Variants in TLE4 observed in about 807,000 individuals in gnomAD.
TLE4 encodes the protein TLE family member 4, transcriptional corepressor.
A neutral mutation model predicts 92.8 loss-of-function variants in TLE4; 8 were observed. That is an observed-to-expected ratio of 0.09 (90% confidence interval 0.05 to 0.16). The LOEUF is 0.16. Among genes scored for constraint, TLE4 ranks in the 10% least tolerant of loss-of-function variants. The pLI is 1.00. For synonymous variants in TLE4, 371 were observed against 374.1 expected, an observed-to-expected ratio of 0.99 and a Z score of 0.10; for missense variants, 675 against 997.6, an observed-to-expected ratio of 0.68 and a Z score of 4.36.
chr9:79,605,767 A>C lies in TLE4; in HGVS notation c.253-6889A>C, dbSNP rs145721097. On this transcript the variant is annotated intron_variant, in intron 4 of 19. Transcript: ENST00000376552. ...TCTTGTTAGGACAAATAAATGGGAC[A>C]CTTGAGAATATCCAGTTAACTGAGC... Among the ~76,000 whole-genome samples the C allele has an allele frequency of 4.7e-4, 71 of 152,266 alleles. No homozygotes were observed. The East Asian group carries it at 0.012, about 25-fold the overall frequency.
intron 8 of TLE4, among the ~76,000 whole-genome samples, chr9:79,679,092 G>C (rs1253950266): frequency 6.6e-6 from 1 of 151,906 alleles, no homozygotes; most frequent in Non-Finnish European, 1.5e-5. Flanking sequence ...ACGTGTGCAT[G>C]TGTCTTTATA....
chr9:79,718,704 T>A lies in TLE4; in HGVS notation c.1341-18T>A. 6.3e-7 allele frequency: 1 copy of A among 1,595,596 alleles called. No individual in the cohort carries two copies. The highest frequency in any genetic ancestry group is 8.6e-7 in the Non-Finnish European group (1 of 1,165,362). ...TTTTTACATTCCCCTCTTTCTTTTT[T>A]CCTCTCCATTGCCTTAGAGCATACT... On this transcript the variant is annotated intron_variant, in intron 14 of 19. Transcript: ENST00000376552.
At chr9:79,631,818 AC>A (rs2054337952) in intron 6 of TLE4, among the ~76,000 whole-genome samples, 1 of 150,978 alleles carries the variant, frequency 6.6e-6, no homozygotes, top group African/African-American at 2.4e-5. Context: ...TTCTTTTTAA[AC>A]AGTTTAGCCA....
At chr9:79,681,446 GA>G (rs748991797) in intron 8 of TLE4, among the ~76,000 whole-genome samples, 1 of 152,152 alleles carries the variant, frequency 6.6e-6, no homozygotes, top group Non-Finnish European at 1.5e-5. Flanking sequence ...TGTTGTAGCA[GA>G]AGCGAAGGTT....
rs534822074 is a variant in TLE4 at position 79,711,913 on chromosome 9, A to G, written c.1340+2214A>G. Among the ~76,000 whole-genome samples, 41 of 152,344 alleles carry G rather than the reference A, an allele frequency of 2.7e-4. 1 individual carries two copies. The South Asian group carries it at 4.1e-3, about 15-fold the overall frequency. On this transcript the variant is annotated intron_variant, in intron 14 of 19. Coordinates refer to ENST00000376552, the MANE Select transcript of TLE4 (RefSeq NM_007005.6). ...CAGGAAAATGACACTACTAAAAAGCATGTGGTGCAGTCAACAGAGTATGGT... is the reference window on the plus strand; with the variant it reads ...CAGGAAAATGACACTACTAAAAAGCGTGTGGTGCAGTCAACAGAGTATGGT...
At chr9:79,666,197 G>GT (rs1564759782) in intron 8 of TLE4, among the ~76,000 whole-genome samples, 118 of 139,192 alleles carry the variant, frequency 8.5e-4, no homozygotes, top group African/African-American at 2.8e-3. Context: ...GTGTGTGTGT[G>GT]GGTGGGGTTT....
Position 79,630,573 on chromosome 9 carries a change from G to A in TLE4, c.390+3125G>A, listed in dbSNP as rs112212672. On this transcript the variant is annotated intron_variant, in intron 6 of 19. Transcript: ENST00000376552. Reference sequence around the variant, plus strand: ...GGGCTAGGGGAACGTTATGGATCTAGTTTGATTTTGTCATGTGTCCTGCTA... The same window carrying A: ...GGGCTAGGGGAACGTTATGGATCTAATTTGATTTTGTCATGTGTCCTGCTA... 3.0e-3 allele frequency among the ~76,000 whole-genome samples: 454 copies of A among 152,266 alleles called. 3 individuals are homozygous for A. Among genetic ancestry groups the A allele is most frequent in the African/African-American group, 0.01 (416 of 41,542 alleles).
At chr9:79,699,724 G>A (rs1184992251) in intron 8 of TLE4, among the ~76,000 whole-genome samples, 2 of 152,208 alleles carry the variant, frequency 1.3e-5, no homozygotes, top group Admixed American at 1.3e-4. Context: ...GGGCAGGGAA[G>A]TCTAAGCACT....
chr9:79,659,374 A>G (rs1009333481), intron 8 of TLE4, among the ~76,000 whole-genome samples: 3 of 152,178 alleles, frequency 2.0e-5, no homozygotes, highest in Non-Finnish European at 4.4e-5. Flanking sequence ...TCAATATGCA[A>G]AATGAACACA....
chr9:79,714,548 A>G (rs553725983), intron 14 of TLE4, among the ~76,000 whole-genome samples: 1 of 152,128 alleles, frequency 6.6e-6, no homozygotes, highest in South Asian at 2.1e-4. Flanking sequence ...TCTTTACTCG[A>G]TGGTATCTTT....
At chr9:79,617,566 C>T (rs2049945423) in intron 5 of TLE4, among the ~76,000 whole-genome samples, 1 of 152,120 alleles carries the variant, frequency 6.6e-6, no homozygotes, top group Non-Finnish European at 1.5e-5. Flanking sequence ...ACAAGGAGCA[C>T]ATTCATTGGA....
intron 4 of TLE4, among the ~76,000 whole-genome samples, chr9:79,598,248 C>CAA (rs11460494): frequency 5.9e-4 from 37 of 62,728 alleles, no homozygotes; most frequent in African/African-American, 1.9e-3. Context: ...GACTCCGTCT[C>CAA]AAAAAAAAAA....
chr9:79,606,048 T>A (rs1290569801), intron 4 of TLE4, among the ~76,000 whole-genome samples: 1 of 151,950 alleles, frequency 6.6e-6, no homozygotes, highest in Non-Finnish European at 1.5e-5. Context: ...CTCACTGGAG[T>A]AAGTAGGATG....
At chr9:79,606,187 GTTTTTTTTTTTTTTTTTTT>G (rs71364420) in intron 4 of TLE4, among the ~76,000 whole-genome samples, 26 of 28,714 alleles carry the variant, frequency 9.1e-4, no homozygotes, top group South Asian at 4.3e-3. Context: ...AGTAGTAGTT[GTTTTTTTTTTTTTTTTTTT>G]TTTTTTTTTT....
chr9:79,599,900 C>T (rs1694377137), intron 4 of TLE4, among the ~76,000 whole-genome samples: 1 of 152,210 alleles, frequency 6.6e-6, no homozygotes, highest in Non-Finnish European at 1.5e-5. Context: ...TTCTCAGTAT[C>T]TGAAATTCCT....
rs549628033 is a variant in TLE4, at chr9:79,659,482, A to G, written c.609+5407A>G. 3.9e-5 allele frequency among the ~76,000 whole-genome samples: 6 copies of G among 152,224 alleles called. No individual in the cohort carries two copies. In the East Asian group the frequency reaches 9.7e-4, roughly 25 times the overall value. The stretch of plus-strand genomic sequence containing the variant: ...GATATCTTCTAATACCCAGCTTATA[A>G]TCAAACTTCTTTGATTATTTCAAAT... On this transcript the variant is annotated intron_variant, in intron 8 of 19. Coordinates refer to ENST00000376552, the MANE Select transcript of TLE4 (RefSeq NM_007005.6).
At chr9:79,692,756 C>T (rs1320535729) in intron 8 of TLE4, among the ~76,000 whole-genome samples, 1 of 152,076 alleles carries the variant, frequency 6.6e-6, no homozygotes, top group Non-Finnish European at 1.5e-5. Context: ...CTTCTCTAGG[C>T]CTATTTTATA....
At chr9:79,642,500 C>G (rs979913088) in intron 6 of TLE4, among the ~76,000 whole-genome samples, 1 of 151,862 alleles carries the variant, frequency 6.6e-6, no homozygotes, top group African/African-American at 2.4e-5. Flanking sequence ...AGCTTGGTGA[C>G]TTTAAAGACT....
intron 5 of TLE4, among the ~76,000 whole-genome samples, chr9:79,615,943 C>T (rs1218374870): frequency 6.6e-6 from 1 of 152,164 alleles, no homozygotes; most frequent in Admixed American, 6.6e-5. Context: ...ACTTGGAGTT[C>T]ATAGAATTTC....
Sources: gnomAD v4.1 joint callset for allele counts (sites outside exome capture counted in the v4.1 genomes callset) on GRCh38, gnomAD v4.1.1 for gene constraint, MANE v1.5 for transcripts, NCBI Gene and HGNC (gene_info 2026-07-23, HGNC 2026-07-21) for gene names.